Variants in KITLG observed in about 807,000 individuals in gnomAD.
KITLG encodes c-Kit ligand.
In KITLG, 13 loss-of-function variants were observed where a neutral mutation model predicts 34.1. The ratio of observed to expected loss-of-function variants is 0.38; its 90% CI spans 0.25 to 0.61. KITLG has a LOEUF of 0.61. Ranked by LOEUF, KITLG falls within the 20% of genes least tolerant of loss-of-function variation. The pLI, the probability that KITLG is intolerant of heterozygous loss-of-function variation, is 0.60. For synonymous variants in KITLG, 110 were observed against 104.0 expected, an observed-to-expected ratio of 1.06 and a Z score of -0.35; for missense variants, 292 against 318.9, an observed-to-expected ratio of 0.92 and a Z score of 0.64.
intron 1 of KITLG, among the ~76,000 whole-genome samples, chr12:88,551,060 G>A (rs1870898983): frequency 6.6e-6 from 1 of 152,054 alleles, no homozygotes; most frequent in Non-Finnish European, 1.5e-5. Flanking sequence ...TTAAATCTAT[G>A]TTAGCTTATG....
chr12:88,532,243 T>C (rs1029163917), intron 3 of KITLG, among the ~76,000 whole-genome samples, 198 bp downstream of exon 3: 10 of 151,940 alleles, frequency 6.6e-5, no homozygotes, highest in Non-Finnish European at 5.9e-5. Flanking sequence ...ATATATGTGC[T>C]GAAATGATCA....
intron 6 of KITLG, among the ~76,000 whole-genome samples, chr12:88,512,734 T>C (rs1262024450): frequency 1.3e-5 from 2 of 151,672 alleles, no homozygotes; most frequent in African/African-American, 4.8e-5. Flanking sequence ...AATACTATAG[T>C]GATATTTTTA....
rs142264307 is a variant in KITLG, at chr12:88,534,736, G to A, written c.130-2233C>T. On this transcript the variant is annotated intron_variant, in intron 2 of 9. Coordinates refer to ENST00000644744, the MANE Select transcript of KITLG (RefSeq NM_000899.5). ...GCATTTTTGTTCATTTATTTTTGGC[G>A]TTAACTCCCTTATTCTTTACACTTA... 1.5e-4 allele frequency: 79 copies of A among 510,000 alleles called. No homozygotes were observed. In the East Asian group the frequency reaches 2.8e-3, roughly 18 times the overall value. The allele number at this position is 510,000 out of a possible 1,614,324, so 31.6% of individuals were successfully genotyped here.
chr12:88,502,900 A>C (rs1458455042), intron 9 of KITLG, among the ~76,000 whole-genome samples: 1 of 31,658 alleles, frequency 3.2e-5, no homozygotes, highest in Non-Finnish European at 6.3e-5. Context: ...AGAAGAAGAA[A>C]AGGAAGGAAA....
rs1592577590 is a variant in KITLG, at chr12:88,545,860, C to G, written c.21G>C (p.Trp7Cys). The change falls in exon 2 of 10, where the codon TGG becomes TGC. Residue 7 changes from tryptophan to cysteine, a missense_variant. By Grantham distance (215) the Trp-to-Cys change is radical. Transcript: ENST00000644744. Reference protein sequence around the residue: MKKTQTWILTCIYLQLL... With the variant: MKKTQTCILTCIYLQLL... ...GCTGAAGATAAATGCAAGTGAGAAT[C>G]CAAGTCTAAATGAAAACAGAAAAAT... is the stretch of plus-strand genomic sequence containing the variant. 6.2e-7 allele frequency: 1 copy of G among 1,600,110 alleles called. No individual in the cohort carries two copies. The highest frequency in any genetic ancestry group is 2.2e-5 in the East Asian group (1 of 44,784).
intron 2 of KITLG, among the ~76,000 whole-genome samples, chr12:88,534,314 T>G (rs149372813): frequency 1.6e-3 from 247 of 152,258 alleles, no homozygotes; most frequent in African/African-American, 5.6e-3. Context: ...TTTCCACTTG[T>G]GAATCTTCAC....
intron 2 of KITLG, 100 bp downstream of exon 2, chr12:88,545,652 T>C (rs774335174): frequency 1.5e-6 from 1 of 687,148 alleles, no homozygotes; most frequent in Non-Finnish European, 2.5e-6. Flanking sequence ...TAGGAAAACA[T>C]TACTTTGGGG....
intron 6 of KITLG, among the ~76,000 whole-genome samples, chr12:88,511,233 G>T (rs567621863): frequency 2.6e-5 from 4 of 152,156 alleles, no homozygotes; most frequent in Non-Finnish European, 5.9e-5. Flanking sequence ...CAAATACGAT[G>T]GTAGCAGACT....
intron 1 of KITLG, chr12:88,564,230 C>G (rs796441496): frequency 2.0e-5 from 3 of 152,246 alleles, no homozygotes; most frequent in African/African-American, 7.2e-5. Context: ...AGTCTTGACT[C>G]TTAATAATGC....
rs1179484348 is a variant in KITLG at position 88,580,328 on chromosome 12, GT to G, written c.-51del. 8 of 1,606,552 alleles carry G rather than the reference GT, an allele frequency of 5.0e-6. No homozygotes were observed. The highest frequency in any genetic ancestry group is 6.8e-6 in the Non-Finnish European group (8 of 1,176,008). On this transcript the variant is annotated 5_prime_UTR_variant, in exon 1 of 10. Coordinates refer to ENST00000644744, the MANE Select transcript of KITLG (RefSeq NM_000899.5). ...GCACAAACAGTGGTGTGGCGACTCC[GT>G]TTAGCTGTTCTGGAGCTCCAGCATA...
intron 2 of KITLG, among the ~76,000 whole-genome samples, chr12:88,535,260 G>A (rs1045332077): frequency 1.3e-5 from 2 of 152,140 alleles, no homozygotes; most frequent in African/African-American, 4.8e-5. Flanking sequence ...TCTACCACTG[G>A]TGGTAGGGCA....
chr12:88,498,202 T>G (rs2120779158), intron 9 of KITLG, among the ~76,000 whole-genome samples: 1 of 152,318 alleles, frequency 6.6e-6, no homozygotes, highest in Admixed American at 6.5e-5. Flanking sequence ...CTTTCACTAC[T>G]TTTGTCCTTG....
At chr12:88,559,713 G>C (rs2120949331) in intron 1 of KITLG, among the ~76,000 whole-genome samples, 1 of 152,174 alleles carries the variant, frequency 6.6e-6, no homozygotes, top group South Asian at 2.1e-4. Context: ...GAAAAATAAG[G>C]ATTATTTTAA....
chr12:88,561,048 G>A (rs11837051), intron 1 of KITLG, among the ~76,000 whole-genome samples: 15 of 151,530 alleles, frequency 9.9e-5, no homozygotes, highest in African/African-American at 2.9e-4. Context: ...TGGTATAGAG[G>A]AGGGGGTTGG....
chr12:88,536,129 G>T (rs1023909562), intron 2 of KITLG, among the ~76,000 whole-genome samples: 1 of 151,884 alleles, frequency 6.6e-6, no homozygotes, highest in African/African-American at 2.4e-5. Context: ...ACAGAATGGG[G>T]GAAAATATTT....
Position 88,580,447 on chromosome 12 carries a change from C to T in KITLG, c.-169G>A, listed in dbSNP as rs995385702. 25 of 830,584 alleles carry T rather than the reference C, an allele frequency of 3.0e-5. No homozygotes were observed. In the East Asian group the frequency reaches 6.8e-4, roughly 23 times the overall value. 51.5% of individuals were successfully genotyped at this position (830,584 alleles called of 1,614,324 possible). A position where few individuals can be genotyped will look rare whatever the true frequency, so the allele number is the denominator to read the frequency against. ...CCCTGCTTCCCGCAGCGCTTCTAGT[C>T]TCGGCGCGAGGCGGCGAGCGAAGCC... On this transcript the variant is annotated 5_prime_UTR_variant, in exon 1 of 10. Transcript: ENST00000644744.
Position 88,496,873 on chromosome 12 carries a change from T to C in KITLG, c.*346A>G, listed in dbSNP as rs1325764006. On this transcript the variant is annotated 3_prime_UTR_variant, in exon 10 of 10. Coordinates refer to ENST00000644744, the MANE Select transcript of KITLG (RefSeq NM_000899.5). ...AGGTGTTTTTTCAGCATTTAGACAT[T>C]TCTGGAGCCATGCAAATGGTACATG... The C allele has an allele frequency of 1.9e-5, 3 of 155,140 alleles. No homozygotes were observed. Among genetic ancestry groups the C allele is most frequent in the Admixed American group, 1.3e-4 (2 of 15,304 alleles). 9.6% of individuals were successfully genotyped at this position (155,140 alleles called of 1,614,324 possible). A position where few individuals can be genotyped will look rare whatever the true frequency, so the allele number is the denominator to read the frequency against.
chr12:88,512,637 AG>A (rs1869319005), intron 6 of KITLG, among the ~76,000 whole-genome samples: 1 of 151,962 alleles, frequency 6.6e-6, no homozygotes, highest in Non-Finnish European at 1.5e-5. Flanking sequence ...AAGAACGCAG[AG>A]GAAGAAATGA....
At chr12:88,565,542 T>A (rs1871416009) in intron 1 of KITLG, among the ~76,000 whole-genome samples, 1 of 152,128 alleles carries the variant, frequency 6.6e-6, no homozygotes, top group African/African-American at 2.4e-5. Context: ...GGAGAATCAC[T>A]TAAACCTGGG....
Sources: gnomAD v4.1 joint callset for allele counts (sites outside exome capture counted in the v4.1 genomes callset) on GRCh38, gnomAD v4.1.1 for gene constraint, MANE v1.5 for transcripts, NCBI Gene and HGNC (gene_info 2026-07-23, HGNC 2026-07-21) for gene names.